Variants in MACROD2 observed in about 807,000 individuals in gnomAD.
The protein encoded by MACROD2 is ADP-ribose glycohydrolase MACROD2.
In MACROD2, 36 loss-of-function variants were observed where a neutral mutation model predicts 70.4. The ratio of observed to expected loss-of-function variants is 0.51; its 90% confidence interval spans 0.39 to 0.68. MACROD2 has a LOEUF of 0.68. MACROD2 is among the 30% of genes least tolerant of loss of function. The pLI is 0.00. For missense variants in MACROD2, 496 were observed against 538.4 expected (o/e 0.92, Z 0.78); for synonymous variants, 172 against 178.8 (o/e 0.96, Z 0.30).
intron 5 of MACROD2, among the ~76,000 whole-genome samples, chr20:14,874,671 GTATTTATTTATTTATTTATTTATT>G (rs71190161): frequency 4.9e-5 from 7 of 143,070 alleles, no homozygotes; most frequent in Non-Finnish European, 1.1e-4. Flanking sequence ...AAAAAAGGTT[GTATTTATTTATTTATTTATTTATT>G]TATTTATTTA....
At chr20:15,566,290 C>A (rs184191536) in intron 8 of MACROD2, among the ~76,000 whole-genome samples, 3 of 151,876 alleles carry the variant, frequency 2.0e-5, no homozygotes, top group Admixed American at 2.0e-4. Flanking sequence ...TCAAGACCAG[C>A]CTGGCCAACA....
chr20:14,907,805 A>G (rs1397305330), intron 5 of MACROD2, among the ~76,000 whole-genome samples: 8 of 152,110 alleles, frequency 5.3e-5, no homozygotes, highest in Non-Finnish European at 1.5e-5. Flanking sequence ...GATATTGACT[A>G]TTGATTCCCA....
At chr20:14,842,531 A>G (rs975598397) in intron 5 of MACROD2, among the ~76,000 whole-genome samples, 1 of 152,134 alleles carries the variant, frequency 6.6e-6, no homozygotes, top group Non-Finnish European at 1.5e-5. Flanking sequence ...GAGGAAATAT[A>G]AAGTGTATGC....
intron 5 of MACROD2, among the ~76,000 whole-genome samples, chr20:14,942,142 T>G (rs2074395947): frequency 6.6e-6 from 1 of 152,048 alleles, no homozygotes; most frequent in Non-Finnish European, 1.5e-5. Context: ...GTGTTGCTTT[T>G]TCTTGCTTTT....
intron 5 of MACROD2, among the ~76,000 whole-genome samples, chr20:15,186,157 G>A (rs935518776): frequency 7.2e-5 from 11 of 152,020 alleles, no homozygotes; most frequent in African/African-American, 2.7e-4. Context: ...TTTAGTCTGG[G>A]CCTTTTTGAT....
rs751370265 is a variant in MACROD2, at chr20:15,967,627, G to T, written c.982G>T (p.Asp328Tyr). 15 of 1,577,370 alleles carry T rather than the reference G, an allele frequency of 9.5e-6. 1 individual carries two copies. The East Asian group carries it at 3.5e-4, about 37-fold the overall frequency. Reference sequence around the variant, plus strand: ...TTCTGTGCGTGACCAAGATCATCCCGATGGTAGGTTGTGAAATCCTTTATT... The same window carrying T: ...TTCTGTGCGTGACCAAGATCATCCCTATGGTAGGTTGTGAAATCCTTTATT... ...DHSVRDQDHP[D>Y]GQENDSTKNE... is the part of the protein sequence containing the mutation. The change falls in exon 13 of 18, where the codon GAT (aspartate) becomes TAT (tyrosine). Residue 328 changes from aspartate (D) to tyrosine (Y), a missense_variant. Transcript: ENST00000684519.
intron 3 of MACROD2, among the ~76,000 whole-genome samples, chr20:14,113,736 T>G (rs2054481193): frequency 6.6e-6 from 1 of 152,106 alleles, no homozygotes; most frequent in Admixed American, 6.6e-5. Context: ...TACCACTGGG[T>G]TGAAGAGACC....
intron 5 of MACROD2, among the ~76,000 whole-genome samples, chr20:14,955,226 T>C (rs2074523734): frequency 7.3e-6 from 1 of 137,446 alleles, no homozygotes; most frequent in Non-Finnish European, 1.5e-5. Context: ...ATTTATATAA[T>C]ATATAATTTT....
chr20:15,423,349 A>G (rs571773860), intron 6 of MACROD2, among the ~76,000 whole-genome samples: 2 of 152,176 alleles, frequency 1.3e-5, no homozygotes, highest in African/African-American at 4.8e-5. Context: ...AAAAGTTGAA[A>G]CCTAAATGTC....
At chr20:14,749,658 T>C (rs1408372187) in intron 5 of MACROD2, among the ~76,000 whole-genome samples, 1 of 152,180 alleles carries the variant, frequency 6.6e-6, no homozygotes, top group African/African-American at 2.4e-5. Context: ...AAAATATCAA[T>C]ATAAATTTTA....
At chr20:15,111,509 T>C (rs1055560357) in intron 5 of MACROD2, among the ~76,000 whole-genome samples, 1 of 152,186 alleles carries the variant, frequency 6.6e-6, no homozygotes, top group Non-Finnish European at 1.5e-5. Context: ...AATATAGTAC[T>C]TAAAACTTAT....
At chr20:14,739,094 A>G (rs951252821) in intron 5 of MACROD2, among the ~76,000 whole-genome samples, 2 of 152,032 alleles carry the variant, frequency 1.3e-5, no homozygotes, top group Admixed American at 1.3e-4. Context: ...TCATATGCTG[A>G]TGGCTGTTAG....
At chr20:14,778,815 G>A (rs1044523917) in intron 5 of MACROD2, among the ~76,000 whole-genome samples, 2 of 152,120 alleles carry the variant, frequency 1.3e-5, no homozygotes, top group Admixed American at 6.5e-5. Context: ...TCTGGAATCA[G>A]TACTTGACTG....
intron 5 of MACROD2, among the ~76,000 whole-genome samples, chr20:14,989,057 A>G (rs757239336): frequency 1.2e-4 from 19 of 152,218 alleles, no homozygotes; most frequent in Admixed American, 1.0e-3. Flanking sequence ...GTGAATACAA[A>G]GCAGTATCAA....
At chr20:15,368,291 C>A (rs976768200) in intron 6 of MACROD2, among the ~76,000 whole-genome samples, 1 of 151,934 alleles carries the variant, frequency 6.6e-6, no homozygotes, top group African/African-American at 2.4e-5. Context: ...TAACAACCCT[C>A]CAGGTAGTTA....
At chr20:15,052,900 A>T (rs141932814) in intron 5 of MACROD2, among the ~76,000 whole-genome samples, 1 of 152,354 alleles carries the variant, frequency 6.6e-6, no homozygotes, top group African/African-American at 2.4e-5. Flanking sequence ...CTGCTATTCC[A>T]GTGAACATAA....
At chr20:15,352,497 T>C (rs1315391577) in intron 6 of MACROD2, among the ~76,000 whole-genome samples, 1 of 152,178 alleles carries the variant, frequency 6.6e-6, no homozygotes, top group Non-Finnish European at 1.5e-5. Flanking sequence ...GATTCTTTTT[T>C]CTTAAGTGAA....
At chr20:14,805,943 G>A (rs531294743) in intron 5 of MACROD2, among the ~76,000 whole-genome samples, 25 of 152,104 alleles carry the variant, frequency 1.6e-4, no homozygotes, top group African/African-American at 6.0e-4. Flanking sequence ...ACATAATCTG[G>A]CATCTCTTTG....
At chr20:14,063,998 A>G (rs918473146) in intron 2 of MACROD2, among the ~76,000 whole-genome samples, 10 of 152,182 alleles carry the variant, frequency 6.6e-5, no homozygotes, top group Non-Finnish European at 1.2e-4. Flanking sequence ...AAGTCTTGGA[A>G]TTATACGCAA....
Sources: allele counts gnomAD v4.1 joint callset (sites outside exome capture counted in the v4.1 genomes callset), GRCh38; gene constraint gnomAD v4.1.1; transcripts MANE v1.5; gene names NCBI Gene and HGNC (gene_info 2026-07-23, HGNC 2026-07-21).